Variants in SPOCK1 observed in about 807,000 individuals in gnomAD.
SPOCK1 encodes SPARC (osteonectin), cwcv and kazal like domains proteoglycan 1.
Under a neutral mutation model 55.3 loss-of-function variants are expected in SPOCK1, and 23 were observed. The observed-to-expected ratio is 0.42, with a 90% CI of 0.30 to 0.59. The LOEUF (loss-of-function observed/expected upper bound fraction) is 0.59. Ranked by LOEUF, SPOCK1 falls within the 20% of genes least tolerant of loss-of-function variation. The probability of loss-of-function intolerance (pLI) is 0.22; values close to 1 mark genes in which losing one functional copy is unlikely to be tolerated. For missense variants in SPOCK1, 499 were observed against 552.5 expected, an observed-to-expected ratio of 0.90 and a Z score of 0.97; for synonymous variants, 226 against 221.0, an observed-to-expected ratio of 1.02 and a Z score of -0.20.
At chr5:137,347,489 G>A (rs1262546036) in intron 2 of SPOCK1, among the ~76,000 whole-genome samples, 18 of 152,096 alleles carry the variant, frequency 1.2e-4, no homozygotes, top group Admixed American at 1.1e-3. Context: ...CAGCACTTTG[G>A]GAGGCAGATC....
chr5:137,330,248 A>G (rs1278178657), intron 2 of SPOCK1, among the ~76,000 whole-genome samples: 25 of 152,146 alleles, frequency 1.6e-4, no homozygotes, highest in Non-Finnish European at 1.5e-5. Flanking sequence ...GTGGGGATGG[A>G]AACTATAATT....
At chr5:137,185,615 A>G (rs550076682) in intron 3 of SPOCK1, among the ~76,000 whole-genome samples, 1 of 152,332 alleles carries the variant, frequency 6.6e-6, no homozygotes, top group East Asian at 1.9e-4. Flanking sequence ...AAGTCTTAAT[A>G]AAATAAAGAA....
intron 3 of SPOCK1, among the ~76,000 whole-genome samples, chr5:137,182,570 C>T (rs188090237): frequency 2.6e-3 from 394 of 152,296 alleles, no homozygotes; most frequent in Middle Eastern, 0.014. Context: ...ACCCCACATT[C>T]CTGACTGGAT....
chr5:137,046,202 G>A (rs1387305696), intron 6 of SPOCK1, among the ~76,000 whole-genome samples: 3 of 106,616 alleles, frequency 2.8e-5, no homozygotes, highest in African/African-American at 1.0e-4. Context: ...GTAGCTTGAT[G>A]GGGATGGCAT....
chr5:137,326,590 A>G (rs1436951144), intron 2 of SPOCK1, among the ~76,000 whole-genome samples: 1 of 152,258 alleles, frequency 6.6e-6, no homozygotes, highest in Admixed American at 6.5e-5. Flanking sequence ...GAATTTATCT[A>G]CAGCTGAAGG....
At chr5:137,211,041 C>T (rs1164976311) in intron 3 of SPOCK1, among the ~76,000 whole-genome samples, 1 of 152,224 alleles carries the variant, frequency 6.6e-6, no homozygotes, top group Non-Finnish European at 1.5e-5. Context: ...GGTCATAACT[C>T]AGCCCTTCGT....
chr5:137,356,344 G>A (rs961538087), intron 2 of SPOCK1, among the ~76,000 whole-genome samples: 12 of 152,126 alleles, frequency 7.9e-5, no homozygotes, highest in Admixed American at 3.9e-4. Context: ...TTATTCACCC[G>A]CAAATTGCCA....
At chr5:137,336,076 A>G (rs1357035219) in intron 2 of SPOCK1, among the ~76,000 whole-genome samples, 1 of 152,242 alleles carries the variant, frequency 6.6e-6, no homozygotes, top group Admixed American at 6.5e-5. Flanking sequence ...AGAATTTTCT[A>G]AAATAATGAA....
intron 4 of SPOCK1, among the ~76,000 whole-genome samples, chr5:137,128,964 C>A (rs948648958): frequency 6.6e-6 from 1 of 152,200 alleles, no homozygotes; most frequent in Non-Finnish European, 1.5e-5. Context: ...ACAGAACCCT[C>A]TAGATTCTCT....
intron 3 of SPOCK1, among the ~76,000 whole-genome samples, chr5:137,174,781 G>C (rs1272143968): frequency 1.3e-5 from 2 of 152,202 alleles, no homozygotes; most frequent in Admixed American, 6.5e-5. Flanking sequence ...TTGGTGTCAG[G>C]GAAGTCCTGG....
At chr5:137,406,202 C>A (rs1238222186) in intron 2 of SPOCK1, among the ~76,000 whole-genome samples, 2 of 152,212 alleles carry the variant, frequency 1.3e-5, no homozygotes, top group African/African-American at 2.4e-5. Context: ...CAGCCTCTCA[C>A]CAGGACAGTC....
At chr5:137,195,140 C>G (rs191213669) in intron 3 of SPOCK1, among the ~76,000 whole-genome samples, 52 of 152,262 alleles carry the variant, frequency 3.4e-4, no homozygotes, top group African/African-American at 1.2e-3. Context: ...GTAAAATGAC[C>G]CTCTTAAACC....
rs17646929 is a variant in SPOCK1, at chr5:137,092,711, C to T, written c.474+19724G>A. ...TTTCCTGATGAATAGGAGAAAAGAT[C>T]AATCGATGAATGGATGGATGGATGA... On this transcript the variant is annotated intron_variant, in intron 5 of 10. Transcript: ENST00000394945. 3.9e-3 allele frequency among the ~76,000 whole-genome samples: 601 copies of T among 152,294 alleles called. 30 individuals are homozygous for T. The East Asian group carries it at 0.1, about 25-fold the overall frequency.
intron 2 of SPOCK1, among the ~76,000 whole-genome samples, chr5:137,301,909 G>A (rs1757598924): frequency 6.6e-6 from 1 of 152,138 alleles, no homozygotes; most frequent in South Asian, 2.1e-4. Context: ...CTGGGAGGAT[G>A]GCAAGAGCTG....
chr5:137,464,919 AG>A (rs1753568968), intron 2 of SPOCK1, among the ~76,000 whole-genome samples: 1 of 152,226 alleles, frequency 6.6e-6, no homozygotes, highest in Non-Finnish European at 1.5e-5. Context: ...AAGAGGTCTG[AG>A]GACAGAACCC....
At position 137,384,576 on chromosome 5, in the gene SPOCK1, A is replaced by ATATATG. The variant is rs747142799; in HGVS notation, c.186+113796_186+113797insCATATA. On this transcript the variant is annotated intron_variant, in intron 2 of 10. Coordinates refer to ENST00000394945, the MANE Select transcript of SPOCK1 (RefSeq NM_004598.4). ...TATACATACATACATATATATATAT[A>ATATATG]TATGTATGTATTTTTTTTTCCCCCT... 9.5e-3 allele frequency among the ~76,000 whole-genome samples: 1,333 copies of ATATATG among 140,236 alleles called. 9 individuals carry two copies. Among genetic ancestry groups the ATATATG allele is most frequent in the Middle Eastern group, 0.021 (6 of 286 alleles). 92.0% of individuals were successfully genotyped at this position (140,236 alleles called of 152,430 possible). A position where few individuals can be genotyped will look rare whatever the true frequency, so the allele number is the denominator to read the frequency against.
chr5:137,367,368 T>G (rs1441955823), intron 2 of SPOCK1, among the ~76,000 whole-genome samples: 2 of 152,160 alleles, frequency 1.3e-5, no homozygotes, highest in Non-Finnish European at 2.9e-5. Flanking sequence ...TGTTGAGCAC[T>G]GTGCACGGAA....
chr5:137,397,276 G>A (rs544404897), intron 2 of SPOCK1, among the ~76,000 whole-genome samples: 6 of 152,318 alleles, frequency 3.9e-5, no homozygotes, highest in East Asian at 1.9e-4. Flanking sequence ...GTGGAGCCAC[G>A]CACACTCCTC....
chr5:137,027,973 C>A (rs1751708635), intron 6 of SPOCK1, among the ~76,000 whole-genome samples: 1 of 152,150 alleles, frequency 6.6e-6, no homozygotes, highest in African/African-American at 2.4e-5. Context: ...AAACTTACCA[C>A]CCCCAAACTG....
Sources: gnomAD v4.1 joint callset for allele counts (sites outside exome capture counted in the v4.1 genomes callset) on GRCh38, gnomAD v4.1.1 for gene constraint, MANE v1.5 for transcripts, NCBI Gene and HGNC (gene_info 2026-07-23, HGNC 2026-07-21) for gene names.